Variants in CAMTA1 observed in about 807,000 individuals in gnomAD.
CAMTA1 encodes calmodulin-binding transcription activator 1.
In CAMTA1, 27 loss-of-function variants were observed where a neutral mutation model predicts 170.9. That is an observed-to-expected ratio of 0.16 (90% confidence interval 0.12 to 0.22). The LOEUF (loss-of-function observed/expected upper bound fraction) is 0.22. Ranked by LOEUF, CAMTA1 falls within the 10% of genes least tolerant of loss-of-function variation. The pLI is 1.00. For synonymous variants in CAMTA1, 833 were observed against 891.5 expected (o/e 0.93, Z 1.17); for missense variants, 1,619 against 2,217.2 (o/e 0.73, Z 5.42).
intron 3 of CAMTA1, among the ~76,000 whole-genome samples, chr1:6,926,620 C>T (rs1683319538): frequency 6.8e-6 from 1 of 146,272 alleles, no homozygotes; most frequent in Non-Finnish European, 1.5e-5. Context: ...TTCTTTCTTT[C>T]TCCCCTCCCC....
chr1:6,946,882 G>A (rs6696115), intron 3 of CAMTA1, among the ~76,000 whole-genome samples: 2,144 of 152,298 alleles, frequency 0.014, 51 homozygotes, highest in African/African-American at 0.048. Context: ...AGAAACCATT[G>A]CTTAATCCAA....
intron 11 of CAMTA1, among the ~76,000 whole-genome samples, chr1:7,686,511 G>A (rs530765457): frequency 5.8e-4 from 88 of 152,116 alleles, no homozygotes; most frequent in African/African-American, 2.0e-3. Context: ...GGGAGGTGGA[G>A]GGGGTTGCGG....
chr1:7,683,270 C>T (rs1263074375), intron 11 of CAMTA1, among the ~76,000 whole-genome samples: 1 of 151,640 alleles, frequency 6.6e-6, no homozygotes, highest in Admixed American at 6.6e-5. Flanking sequence ...GACAGAGGAG[C>T]AAAAATTATT....
chr1:6,952,430 C>CAAAAAAAAAAAA (rs34562557), intron 3 of CAMTA1, among the ~76,000 whole-genome samples: 1 of 13,118 alleles, frequency 7.6e-5, no homozygotes, highest in Admixed American at 7.0e-4. Flanking sequence ...GACTCTGTCT[C>CAAAAAAAAAAAA]AAAAAAAAGA....
chr1:6,901,454 T>C (rs77418546), intron 3 of CAMTA1, among the ~76,000 whole-genome samples: 2,232 of 152,284 alleles, frequency 0.015, 50 homozygotes, highest in African/African-American at 0.051. Context: ...AGCCACAGAC[T>C]GGGAGGAACC....
intron 6 of CAMTA1, among the ~76,000 whole-genome samples, chr1:7,542,927 C>A (rs897298185): frequency 6.9e-6 from 1 of 145,610 alleles, no homozygotes; most frequent in African/African-American, 2.5e-5. Context: ...TGCAGTGGCG[C>A]GATCTCGGCT....
chr1:7,366,776 C>T (rs2086003062), intron 5 of CAMTA1, among the ~76,000 whole-genome samples: 1 of 152,248 alleles, frequency 6.6e-6, no homozygotes, highest in African/African-American at 2.4e-5. Flanking sequence ...ACTGCAGGAA[C>T]CCGCCAGCTT....
intron 3 of CAMTA1, among the ~76,000 whole-genome samples, chr1:6,996,720 A>G (rs1264678982): frequency 6.6e-6 from 1 of 152,178 alleles, no homozygotes; most frequent in Non-Finnish European, 1.5e-5. Flanking sequence ...AAAGAAAAAA[A>G]GTCACAAACC....
At chr1:6,949,860 G>A (rs913103142) in intron 3 of CAMTA1, among the ~76,000 whole-genome samples, 3 of 152,254 alleles carry the variant, frequency 2.0e-5, no homozygotes, top group African/African-American at 4.8e-5. Flanking sequence ...GCCCTTCTGC[G>A]TCATTATCTC....
intron 3 of CAMTA1, among the ~76,000 whole-genome samples, chr1:6,842,026 C>T (rs1655949422): frequency 6.6e-6 from 1 of 152,222 alleles, no homozygotes; most frequent in African/African-American, 2.4e-5. Flanking sequence ...TGCCCAGACT[C>T]AGCGCCATGG....
chr1:7,305,580 C>A (rs771974508), intron 5 of CAMTA1, among the ~76,000 whole-genome samples: 6 of 152,006 alleles, frequency 3.9e-5, no homozygotes, highest in Non-Finnish European at 7.4e-5. Context: ...CGTTGCCATT[C>A]ATTACTTTTT....
At chr1:6,871,223 CT>C (rs766980915) in intron 3 of CAMTA1, among the ~76,000 whole-genome samples, 3 of 152,104 alleles carry the variant, frequency 2.0e-5, no homozygotes, top group East Asian at 3.9e-4. Flanking sequence ...TTTTTTTCCC[CT>C]GTGCAGTGAA....
chr1:7,710,364 G>A (rs1032215942), intron 11 of CAMTA1, among the ~76,000 whole-genome samples: 4 of 152,050 alleles, frequency 2.6e-5, no homozygotes, highest in African/African-American at 9.7e-5. Flanking sequence ...TTGGGGGGTC[G>A]AGGCAGGAGG....
In CAMTA1 at chr1:7,436,825, CA is replaced by C. The variant is rs201436342; in HGVS notation, c.439-31004del. Among the ~76,000 whole-genome samples, 1,379 of 152,260 alleles carry C rather than the reference CA, an allele frequency of 9.1e-3. 23 individuals carry two copies. The highest frequency in any genetic ancestry group is 0.031 in the African/African-American group (1,306 of 41,534). ...GCGGGGCGGATGCAGAGGTAGAATG[CA>C]GGCTGTGGCTGGGAGCTGAGGGCCC... On this transcript the variant is annotated intron_variant, in intron 5 of 22. Coordinates refer to ENST00000303635, the MANE Select transcript of CAMTA1 (RefSeq NM_015215.4).
intron 5 of CAMTA1, among the ~76,000 whole-genome samples, chr1:7,440,423 C>T (rs1002958551): frequency 6.6e-5 from 10 of 152,234 alleles, no homozygotes; most frequent in East Asian, 1.9e-4. Context: ...GGGAAGGAGC[C>T]GTGTGTTGCC....
chr1:6,918,739 G>A lies in CAMTA1; in HGVS notation c.234+93529G>A, dbSNP rs1557825205. Among the ~76,000 whole-genome samples the A allele has an allele frequency of 6.6e-6, 1 of 152,198 alleles. No individual in the cohort carries two copies. Among genetic ancestry groups the A allele is most frequent in the East Asian group, 1.9e-4 (1 of 5,196 alleles). ...TCCTTGGGACTTCCTGGTGGATGAC[G>A]CCTGGGGAGTTAGAAAACACTCAAG... On this transcript the variant is annotated intron_variant, in intron 3 of 22. Coordinates refer to ENST00000303635, the MANE Select transcript of CAMTA1 (RefSeq NM_015215.4). The surrounding 1 kb of genome is among the most constrained non-coding windows in gnomAD (Gnocchi z 4.0).
chr1:7,346,627 C>T (rs769615449), intron 5 of CAMTA1, among the ~76,000 whole-genome samples: 11 of 152,226 alleles, frequency 7.2e-5, no homozygotes, highest in East Asian at 3.9e-4. Context: ...ATGGAATTTG[C>T]GGGGAAGAGG....
chr1:6,967,833 A>T (rs1264646406), intron 3 of CAMTA1, among the ~76,000 whole-genome samples: 1 of 152,140 alleles, frequency 6.6e-6, no homozygotes, highest in African/African-American at 2.4e-5. Flanking sequence ...GCAGGGGGTG[A>T]AGTCAGAATG....
intron 6 of CAMTA1, among the ~76,000 whole-genome samples, chr1:7,499,803 TTGTG>T (rs1364925405): frequency 7.9e-6 from 1 of 126,810 alleles, no homozygotes; most frequent in Non-Finnish European, 1.6e-5. Context: ...GTGGAGAGGA[TTGTG>T]TGAGCCTGGT....
Sources: allele counts gnomAD v4.1 joint callset (sites outside exome capture counted in the v4.1 genomes callset), GRCh38; gene constraint gnomAD v4.1.1; non-coding constraint Gnocchi (gnomAD v3.1); transcripts MANE v1.5; gene names NCBI Gene and HGNC (gene_info 2026-07-23, HGNC 2026-07-21).